SOX5: variants seen among roughly 807,000 people sequenced by gnomAD.
SOX5 encodes the protein SRY-box transcription factor 5, also known as transcription factor SOX-5.
Under a neutral mutation model 92.0 loss-of-function variants are expected in SOX5, and 9 were observed. The observed-to-expected ratio is 0.10, with a 90% CI of 0.06 to 0.17. The LOEUF is 0.17. Ranked by LOEUF, SOX5 falls within the 10% of genes least tolerant of loss-of-function variation. SOX5 has a pLI of 1.00. For synonymous variants in SOX5, 344 were observed against 336.3 expected (o/e 1.02, Z -0.25); for missense variants, 642 against 944.5 (o/e 0.68, Z 4.20).
intron 2 of SOX5, among the ~76,000 whole-genome samples, chr12:23,871,898 A>T (rs1381003666): frequency 6.6e-5 from 10 of 151,996 alleles, no homozygotes. Flanking sequence ...TTTCTCCCCA[A>T]CTATCTTTTC....
chr12:23,914,531 G>A (rs2097391520), intron 1 of SOX5, among the ~76,000 whole-genome samples: 1 of 152,068 alleles, frequency 6.6e-6, no homozygotes, highest in Non-Finnish European at 1.5e-5. Context: ...CGGCAGAGGA[G>A]AAAGAAGTGA....
At chr12:23,663,527 T>G (rs2139377057) in intron 7 of SOX5, among the ~76,000 whole-genome samples, 1 of 152,284 alleles carries the variant, frequency 6.6e-6, no homozygotes, top group South Asian at 2.1e-4. Flanking sequence ...GGGACTTACT[T>G]CTGCAGTTGC....
intron 4 of SOX5, among the ~76,000 whole-genome samples, chr12:24,131,150 T>C (rs560119873): frequency 1.3e-5 from 2 of 152,308 alleles, no homozygotes; most frequent in East Asian, 3.9e-4. Flanking sequence ...AATAACCCAA[T>C]TAGAGGTGAA....
chr12:23,979,305 C>A (rs1949253047), intron 4 of SOX5, among the ~76,000 whole-genome samples: 1 of 152,074 alleles, frequency 6.6e-6, no homozygotes, highest in Admixed American at 6.6e-5. Flanking sequence ...CTCACTGCAA[C>A]CTCTGCTTCC....
At chr12:24,541,155 T>C (rs1952088467) in intron 1 of SOX5, among the ~76,000 whole-genome samples, 1 of 152,178 alleles carries the variant, frequency 6.6e-6, no homozygotes, top group South Asian at 2.1e-4. Context: ...TTAAACAAGG[T>C]GCGAGCTTAT....
chr12:23,747,437 A>C (rs2094025540), intron 4 of SOX5, among the ~76,000 whole-genome samples: 1 of 152,188 alleles, frequency 6.6e-6, no homozygotes, highest in Non-Finnish European at 1.5e-5. Context: ...TTTATTCTGC[A>C]CATGGAATAA....
At chr12:23,962,414 A>C (rs1006582462) in intron 4 of SOX5, among the ~76,000 whole-genome samples, 1 of 152,166 alleles carries the variant, frequency 6.6e-6, no homozygotes, top group African/African-American at 2.4e-5. Context: ...CAAATGTTTC[A>C]TTCCTTTCAA....
At chr12:24,114,957 T>C (rs11047271) in intron 4 of SOX5, among the ~76,000 whole-genome samples, 52,117 of 151,842 alleles carry the variant, frequency 0.34, 9,868 homozygotes, top group East Asian at 0.55. Context: ...AGTAAAATAA[T>C]ATTCTATGAA....
intron 10 of SOX5, among the ~76,000 whole-genome samples, chr12:23,570,969 ATATATATATATATATT>A (rs1220237559): frequency 6.2e-5 from 5 of 81,244 alleles, no homozygotes; most frequent in Admixed American, 1.6e-4. Context: ...ATATATATAT[ATATATATATATATATT>A]TTCATATTTT....
chr12:23,705,809 C>T (rs1376191306), intron 6 of SOX5, among the ~76,000 whole-genome samples: 1 of 151,984 alleles, frequency 6.6e-6, no homozygotes, highest in African/African-American at 2.4e-5. Context: ...TTTTTAACTG[C>T]ATGCAGGAAG....
intron 4 of SOX5, among the ~76,000 whole-genome samples, chr12:24,210,830 C>A (rs1227852247): frequency 6.6e-6 from 1 of 152,172 alleles, no homozygotes; most frequent in Admixed American, 6.5e-5. Context: ...TTGCCCTAAT[C>A]ATTATTAAAT....
intron 2 of SOX5, among the ~76,000 whole-genome samples, chr12:23,872,193 T>C (rs1249255904): frequency 7.4e-6 from 1 of 134,532 alleles, no homozygotes; most frequent in Admixed American, 7.7e-5. Context: ...TTTTTTTTTT[T>C]AGTAGAGAAG....
At chr12:23,540,671 G>T (rs986185749) in intron 13 of SOX5, among the ~76,000 whole-genome samples, 2 of 152,044 alleles carry the variant, frequency 1.3e-5, no homozygotes, top group African/African-American at 4.8e-5. Context: ...CTGATCTAGC[G>T]CCAAGCAGTA....
intron 3 of SOX5, among the ~76,000 whole-genome samples, chr12:23,793,879 C>T (rs570072228): frequency 6.6e-6 from 1 of 152,264 alleles, no homozygotes; most frequent in Non-Finnish European, 1.5e-5. Context: ...GAATGCATTC[C>T]TTCTTAAATT....
chr12:23,567,065 A>T (rs1462770235), intron 10 of SOX5, among the ~76,000 whole-genome samples: 1 of 152,168 alleles, frequency 6.6e-6, no homozygotes, highest in Non-Finnish European at 1.5e-5. Flanking sequence ...CATTTTCCCT[A>T]TATGTTCACT....
At chr12:23,721,808 G>A (rs2092831937) in intron 6 of SOX5, among the ~76,000 whole-genome samples, 1 of 152,216 alleles carries the variant, frequency 6.6e-6, no homozygotes. Flanking sequence ...ATGAAGTTTA[G>A]CCTACGTGCA....
intron 4 of SOX5, among the ~76,000 whole-genome samples, chr12:24,054,974 T>G (rs1292312718): frequency 6.6e-6 from 1 of 152,026 alleles, no homozygotes; most frequent in African/African-American, 2.4e-5. Flanking sequence ...GGGGAGAGAT[T>G]TTTTCCTGTA....
intron 3 of SOX5, among the ~76,000 whole-genome samples, chr12:24,240,997 G>A (rs1965458994): frequency 6.6e-6 from 1 of 152,124 alleles, no homozygotes; most frequent in Admixed American, 6.6e-5. Flanking sequence ...TAAGTGTGAT[G>A]GTTTATATGT....
intron 4 of SOX5, among the ~76,000 whole-genome samples, chr12:23,996,316 C>T (rs1046927715): frequency 3.9e-5 from 6 of 152,046 alleles, no homozygotes; most frequent in Admixed American, 6.5e-5. Flanking sequence ...GGTAGGATGA[C>T]TATAATAATA....
Sources: allele counts gnomAD v4.1 joint callset (sites outside exome capture counted in the v4.1 genomes callset), GRCh38; gene constraint gnomAD v4.1.1; transcripts MANE v1.5; gene names NCBI Gene and HGNC (gene_info 2026-07-23, HGNC 2026-07-21).